The following ARHGAP24 variants were observed in gnomAD, a reference collection of about 807,000 sequenced individuals.
ARHGAP24 encodes the protein rho GTPase-activating protein 24.
A neutral mutation model predicts 76.4 loss-of-function variants in ARHGAP24; 50 were observed. The ratio of observed to expected loss-of-function variants is 0.65; its 90% CI spans 0.52 to 0.83. The LOEUF (loss-of-function observed/expected upper bound fraction) is 0.83. Ranked by LOEUF, ARHGAP24 falls within the 40% of genes least tolerant of loss-of-function variation. The pLI is 0.00. For synonymous variants in ARHGAP24, 345 were observed against 323.3 expected, an observed-to-expected ratio of 1.07 and a Z score of -0.72; for missense variants, 930 against 914.2, an observed-to-expected ratio of 1.02 and a Z score of -0.22.
At chr4:85,490,141 T>C (rs1272030861) in intron 1 of ARHGAP24, among the ~76,000 whole-genome samples, 1 of 152,118 alleles carries the variant, frequency 6.6e-6, no homozygotes, top group African/African-American at 2.4e-5. Flanking sequence ...AGAATAAATA[T>C]ATATGTCATG....
chr4:85,851,139 T>C (rs954580328), intron 3 of ARHGAP24, among the ~76,000 whole-genome samples: 5 of 152,210 alleles, frequency 3.3e-5, no homozygotes, highest in African/African-American at 9.6e-5. Flanking sequence ...GCTCCTGTAT[T>C]GGGTGCATAT....
chr4:85,579,668 T>A (rs1228782851), intron 2 of ARHGAP24, among the ~76,000 whole-genome samples: 1 of 152,170 alleles, frequency 6.6e-6, no homozygotes, highest in African/African-American at 2.4e-5. Flanking sequence ...GATCACTTTT[T>A]ATGTACAAGG....
chr4:85,551,448 T>G (rs1054770355), intron 1 of ARHGAP24, among the ~76,000 whole-genome samples: 3 of 152,218 alleles, frequency 2.0e-5, no homozygotes, highest in African/African-American at 4.8e-5. Flanking sequence ...TGTTGAGGAT[T>G]TTTGCATCTA....
chr4:85,971,902 G>A (rs1433189050), intron 5 of ARHGAP24, 134 bp from the exon 6 acceptor site: 7 of 1,238,556 alleles, frequency 5.7e-6, no homozygotes, highest in Non-Finnish European at 8.0e-6. Context: ...ATAAATGAGT[G>A]CTCTCTGAAA....
intron 3 of ARHGAP24, among the ~76,000 whole-genome samples, chr4:85,889,169 C>A (rs1733740184): frequency 6.6e-6 from 1 of 152,144 alleles, no homozygotes; most frequent in Admixed American, 6.5e-5. Context: ...ACACCATTTA[C>A]CTAAGAAAAT....
intron 2 of ARHGAP24, among the ~76,000 whole-genome samples, chr4:85,694,238 A>G (rs10017047): frequency 0.66 from 99,951 of 151,824 alleles, 34,760 homozygotes; most frequent in Non-Finnish European, 0.79. Flanking sequence ...CCTTCTCTTC[A>G]GCTCTTCTTT....
intron 1 of ARHGAP24, among the ~76,000 whole-genome samples, chr4:85,478,885 T>C (rs1468237532): frequency 6.6e-6 from 1 of 152,260 alleles, no homozygotes; most frequent in Non-Finnish European, 1.5e-5. Context: ...TTGAACATAC[T>C]TTGAATAATT....
chr4:85,752,855 T>C (rs1010190627), intron 3 of ARHGAP24, among the ~76,000 whole-genome samples: 2 of 152,198 alleles, frequency 1.3e-5, no homozygotes, highest in African/African-American at 4.8e-5. Context: ...AATGTTAACA[T>C]TGATTTATGA....
intron 3 of ARHGAP24, among the ~76,000 whole-genome samples, chr4:85,854,592 C>T (rs1307537842): frequency 6.6e-6 from 1 of 152,162 alleles, no homozygotes; most frequent in Non-Finnish European, 1.5e-5. Context: ...AAACCTATCC[C>T]TTTCTTGCTC....
intron 3 of ARHGAP24, among the ~76,000 whole-genome samples, chr4:85,830,591 G>T (rs1000908992): frequency 2.6e-5 from 4 of 152,108 alleles, no homozygotes; most frequent in Non-Finnish European, 4.4e-5. Flanking sequence ...CTTTACCTTG[G>T]CCACTAAGTT....
intron 1 of ARHGAP24, among the ~76,000 whole-genome samples, chr4:85,543,799 A>G (rs183037513): frequency 1.3e-5 from 2 of 152,126 alleles, no homozygotes; most frequent in Admixed American, 1.3e-4. Context: ...AATATGTTTT[A>G]TTTTTCTTTT....
In ARHGAP24 at chr4:85,923,653, G is replaced by T. The variant is rs571519833; in HGVS notation, c.274G>T (p.Asp92Tyr). 1.2e-6 allele frequency: 2 copies of T among 1,613,584 alleles called. No homozygotes were observed. The highest frequency in any genetic ancestry group is 2.2e-5 in the South Asian group (2 of 91,036). ...TTGTTACTGTGTTTTCACAGGAGGC[G>T]ATCGAGATCGGATGACAGCAAATCA... The part of the protein sequence containing the change: ...KFLFEVVPGG[D>Y]RDRMTANHES... The change falls in exon 4 of 10, where the codon GAT becomes TAT. Residue 92 changes from aspartate to tyrosine, a missense_variant. By Grantham distance (160) the Asp-to-Tyr change is radical. Coordinates refer to ENST00000395184, the MANE Select transcript of ARHGAP24 (RefSeq NM_001025616.3).
intron 3 of ARHGAP24, among the ~76,000 whole-genome samples, chr4:85,848,108 CAAAT>C (rs1196450748): frequency 2.6e-5 from 4 of 152,088 alleles, no homozygotes; most frequent in Admixed American, 6.6e-5. Context: ...AATTCAGAAA[CAAAT>C]AAAATGCCTC....
At position 85,995,265 on chromosome 4, in the gene ARHGAP24, A is replaced by G. The variant is rs150304860; in HGVS notation, c.1611A>G (p.Gln537=). 2.5e-6 allele frequency: 4 copies of G among 1,614,054 alleles called. No individual in the cohort carries two copies. Among genetic ancestry groups the G allele is most frequent in the Non-Finnish European group, 3.4e-6 (4 of 1,180,026 alleles). The change falls in exon 9 of 10, where the codon CAA becomes CAG. Residue 537 remains glutamine, a synonymous_variant. Transcript: ENST00000395184. ...NRLSTYDNVH[Q]QFSMMNLDDK... ...TGTCCACCTATGATAATGTCCATCA[A>G]CAGTTCTCCATGATGAACCTTGATG...
intron 4 of ARHGAP24, chr4:85,930,691 A>T: frequency 8.3e-7 from 1 of 1,198,582 alleles, no homozygotes; most frequent in Non-Finnish European, 1.0e-6. Flanking sequence ...AGAAAAAAAA[A>T]ACCTTAAAAA....
chr4:85,752,079 C>G (rs1222019838), intron 3 of ARHGAP24, among the ~76,000 whole-genome samples: 4 of 152,114 alleles, frequency 2.6e-5, no homozygotes, highest in Non-Finnish European at 5.9e-5. Context: ...CATAGCCATA[C>G]AAGCATTAAC....
At chr4:85,504,836 ATG>A (rs1454707708) in intron 1 of ARHGAP24, among the ~76,000 whole-genome samples, 1 of 152,154 alleles carries the variant, frequency 6.6e-6, no homozygotes, top group Non-Finnish European at 1.5e-5. Flanking sequence ...ACAATTTAGC[ATG>A]TTTTTGCAGT....
intron 2 of ARHGAP24, among the ~76,000 whole-genome samples, chr4:85,636,682 A>G (rs1721319650): frequency 6.6e-6 from 1 of 152,000 alleles, no homozygotes; most frequent in East Asian, 1.9e-4. Flanking sequence ...AAATAACACA[A>G]TTTGGAATTA....
chr4:85,895,000 G>GA (rs1560701790), intron 3 of ARHGAP24, among the ~76,000 whole-genome samples: 19 of 47,982 alleles, frequency 4.0e-4, no homozygotes, highest in African/African-American at 5.3e-4. Flanking sequence ...AAAACAAAAA[G>GA]CAAAAAAAAA....
Sources: gnomAD v4.1 joint callset for allele counts (sites outside exome capture counted in the v4.1 genomes callset) on GRCh38, gnomAD v4.1.1 for gene constraint, MANE v1.5 for transcripts, NCBI Gene and HGNC (gene_info 2026-07-23, HGNC 2026-07-21) for gene names.